TEX11: variants seen among roughly 807,000 people sequenced by gnomAD.
The protein encoded by TEX11 is testis expressed 11, also known as testis-expressed protein 11.
Under a neutral mutation model 84.4 loss-of-function variants are expected in TEX11, and 7 were observed. The ratio of observed to expected loss-of-function variants is 0.08; its 90% CI spans 0.05 to 0.16. The LOEUF is 0.16. Among genes scored for constraint, TEX11 ranks in the 10% least tolerant of loss-of-function variants. The pLI, the probability that TEX11 is intolerant of heterozygous loss-of-function variation, is 1.00. For missense variants in TEX11, 551 were observed against 660.5 expected (o/e 0.83, Z 1.82); for synonymous variants, 264 against 222.8 (o/e 1.18, Z -1.64).
the TEX11 span, among the ~76,000 whole-genome samples, chrX:70,521,373 T>C: frequency 2.2e-4 from 24 of 109,932 alleles, no homozygotes; most frequent in African/African-American, 7.3e-4. Flanking sequence ...CCGTATCCCA[T>C]GTTCACACGA....
At chrX:70,734,408 A>T (rs762347392) in intron 11 of TEX11, among the ~76,000 whole-genome samples, 1 of 111,769 alleles carries the variant, frequency 8.9e-6, no homozygotes, top group East Asian at 2.8e-4. Context: ...GTGTGGGGGA[A>T]AATGTGTAAA....
At chrX:70,576,588 A>T (rs1006759067) in intron 25 of TEX11, among the ~76,000 whole-genome samples, 16 of 112,398 alleles carry the variant, frequency 1.4e-4, no homozygotes, top group Admixed American at 1.1e-3. Flanking sequence ...TATCCTTCCA[A>T]GGCTTTATAG....
intron 13 of TEX11, among the ~76,000 whole-genome samples, chrX:70,705,882 T>C (rs1449476684): frequency 8.9e-6 from 1 of 111,825 alleles, no homozygotes. Context: ...AGTTCAACCA[T>C]TGTGGAAGAC....
chrX:70,733,838 T>C (rs1409046448), intron 11 of TEX11, among the ~76,000 whole-genome samples: 1 of 111,609 alleles, frequency 9.0e-6, no homozygotes, highest in African/African-American at 3.3e-5. Context: ...CATGCTGCTA[T>C]AAAGACATAC....
intron 24 of TEX11, among the ~76,000 whole-genome samples, chrX:70,600,277 T>C (rs1053646662): frequency 8.9e-6 from 1 of 111,972 alleles, no homozygotes; most frequent in Non-Finnish European, 1.9e-5. Context: ...CCAGTGATGA[T>C]GAACATTTTT....
At chrX:70,602,072 C>G (rs1308615060) in intron 24 of TEX11, among the ~76,000 whole-genome samples, 1 of 111,394 alleles carries the variant, frequency 9.0e-6, no homozygotes, top group African/African-American at 3.3e-5. Flanking sequence ...AGATGGGGTC[C>G]TGGCCGGGCA....
At chrX:70,838,958 G>T (rs1362345691) in intron 7 of TEX11, among the ~76,000 whole-genome samples, 2 of 112,497 alleles carry the variant, frequency 1.8e-5, no homozygotes, top group Admixed American at 9.4e-5. Flanking sequence ...CCATTGCTGA[G>T]TTAGTTGTTT....
intron 25 of TEX11, among the ~76,000 whole-genome samples, chrX:70,574,554 G>A (rs1374977400): frequency 1.8e-5 from 2 of 111,323 alleles, no homozygotes; most frequent in South Asian, 3.8e-4. Context: ...AACACTCTAA[G>A]ACTAAAATAA....
chrX:70,779,244 G>A (rs1054121815), intron 9 of TEX11, among the ~76,000 whole-genome samples: 12 of 107,940 alleles, frequency 1.1e-4, no homozygotes, highest in Admixed American at 7.1e-4. Flanking sequence ...GTGAAACCCC[G>A]TCCCTATTAA....
intron 9 of TEX11, among the ~76,000 whole-genome samples, chrX:70,798,028 G>GT (rs200739342): frequency 1.1e-4 from 11 of 101,848 alleles, no homozygotes; most frequent in African/African-American, 2.5e-4. Flanking sequence ...GCAAGATGAG[G>GT]GGGGGGGAAA....
At chrX:70,787,795 C>T (rs1276778261) in intron 9 of TEX11, among the ~76,000 whole-genome samples, 3 of 111,484 alleles carry the variant, frequency 2.7e-5, no homozygotes, top group African/African-American at 9.8e-5. Context: ...CACCAAAAAA[C>T]TGTTAAGAAT....
chrX:70,721,584 C>G (rs73220892), intron 13 of TEX11, among the ~76,000 whole-genome samples: 1 of 111,786 alleles, frequency 8.9e-6, no homozygotes, highest in Non-Finnish European at 1.9e-5. Context: ...ATCTATGCTG[C>G]CACGAAGGTT....
intron 20 of TEX11, among the ~76,000 whole-genome samples, chrX:70,612,700 G>A (rs1297695397): frequency 9.0e-6 from 1 of 111,454 alleles, no homozygotes; most frequent in African/African-American, 3.3e-5. Flanking sequence ...TACAAAAGGT[G>A]TAACATATGT....
At chrX:70,695,963 G>T (rs1435356244) in intron 13 of TEX11, among the ~76,000 whole-genome samples, 1 of 112,002 alleles carries the variant, frequency 8.9e-6, no homozygotes, top group East Asian at 2.8e-4. Flanking sequence ...ACTGTAAATT[G>T]TTATAACGCA....
At chrX:70,517,777 T>A in the TEX11 span, among the ~76,000 whole-genome samples, 1 of 111,673 alleles carries the variant, frequency 9.0e-6, no homozygotes, top group African/African-American at 3.3e-5. Flanking sequence ...GGTAGGCTAT[T>A]AATAATTGCC....
chrX:70,669,791 C>T (rs954250326), intron 16 of TEX11, among the ~76,000 whole-genome samples: 7 of 112,616 alleles, frequency 6.2e-5, no homozygotes, highest in African/African-American at 2.3e-4. Flanking sequence ...GCCAATACCC[C>T]TCATTACGTG....
At chrX:70,863,287 T>G (rs1241200892) in intron 4 of TEX11, among the ~76,000 whole-genome samples, 1 of 111,620 alleles carries the variant, frequency 9.0e-6, no homozygotes, top group East Asian at 2.8e-4. Flanking sequence ...GGGAGAGACC[T>G]CCCAACAGGG....
At chrX:70,648,485 TA>T (rs963166988) in intron 17 of TEX11, among the ~76,000 whole-genome samples, 9 of 110,556 alleles carry the variant, frequency 8.1e-5, no homozygotes, top group Non-Finnish European at 1.3e-4. Flanking sequence ...ATTTGCCAAT[TA>T]AAAAAATAAG....
intron 7 of TEX11, among the ~76,000 whole-genome samples, chrX:70,848,291 A>G (rs2091489928): frequency 8.9e-6 from 1 of 112,302 alleles, no homozygotes; most frequent in Admixed American, 9.6e-5. Flanking sequence ...CTTGCAAAAT[A>G]CTTTCCTTCA....
Sources: gnomAD v4.1 joint callset for allele counts (sites outside exome capture counted in the v4.1 genomes callset) on GRCh38, gnomAD v4.1.1 for gene constraint, MANE v1.5 for transcripts, NCBI Gene and HGNC (gene_info 2026-07-23, HGNC 2026-07-21) for gene names.